TNS3: variants seen among roughly 807,000 people sequenced by gnomAD.
The protein encoded by TNS3 is tensin 3, also known as tensin-3.
TNS3 carries 45 observed loss-of-function variants against 140.9 expected under a neutral mutation model. The ratio of observed to expected loss-of-function variants is 0.32; its 90% CI spans 0.25 to 0.41. The LOEUF (loss-of-function observed/expected upper bound fraction) is 0.41, where lower values mean the gene tolerates loss of function less well. Ranked by LOEUF, TNS3 falls within the 10% of genes least tolerant of loss-of-function variation. The pLI is 1.00. For missense variants in TNS3, 1,716 were observed against 1,906.7 expected, an observed-to-expected ratio of 0.90 and a Z score of 1.86; for synonymous variants, 815 against 788.4, an observed-to-expected ratio of 1.03 and a Z score of -0.56.
At chr7:47,457,108 A>AAGGGGAGGGGAGGGG (rs1163349578) in intron 4 of TNS3, among the ~76,000 whole-genome samples, 1 of 29,816 alleles carries the variant, frequency 3.4e-5, no homozygotes, top group Non-Finnish European at 7.5e-5. Context: ...TGTGCTGGTA[A>AAGGGGAGGGGAGGGG]AGGGGAGGGG....
intron 10 of TNS3, among the ~76,000 whole-genome samples, chr7:47,419,699 T>C (rs1300144770): frequency 6.6e-6 from 1 of 152,208 alleles, no homozygotes; most frequent in African/African-American, 2.4e-5. Flanking sequence ...ATCACCATTG[T>C]AGAACCTAAG....
chr7:47,350,557 G>A (rs1449712519), intron 17 of TNS3, among the ~76,000 whole-genome samples: 1 of 152,226 alleles, frequency 6.6e-6, no homozygotes, highest in Non-Finnish European at 1.5e-5. Flanking sequence ...GCTTGCTCAA[G>A]GCGTTGCTAC....
At chr7:47,511,800 A>G (rs957048266) in intron 2 of TNS3, among the ~76,000 whole-genome samples, 19 of 152,080 alleles carry the variant, frequency 1.2e-4, no homozygotes, top group Non-Finnish European at 2.4e-4. Flanking sequence ...CTGGACCCAC[A>G]AGAAGAACCT....
chr7:47,300,145 G>A (rs950153672), intron 23 of TNS3, among the ~76,000 whole-genome samples: 2 of 152,028 alleles, frequency 1.3e-5, no homozygotes, highest in African/African-American at 4.8e-5. Flanking sequence ...AAATGTCATT[G>A]TAGCTTTTCT....
At chr7:47,318,169 G>A (rs1019076546) in intron 20 of TNS3, among the ~76,000 whole-genome samples, 2 of 152,140 alleles carry the variant, frequency 1.3e-5, no homozygotes, top group Non-Finnish European at 2.9e-5. Context: ...TCATGTAAGT[G>A]GAATCATACA....
rs1353261509 is a variant in TNS3, at chr7:47,303,135, G to T, written c.3272C>A (p.Thr1091Asn). 6.2e-7 allele frequency: 1 copy of T among 1,613,864 alleles called. No individual in the cohort carries two copies. The highest frequency in any genetic ancestry group is 8.5e-7 in the Non-Finnish European group (1 of 1,179,952). Residue 1091 changes from threonine to asparagine, a missense_variant, in exon 22 of 31, where the codon ACC (threonine) becomes AAC (asparagine). Physicochemically the swap from Thr to Asn is moderately conservative, Grantham distance 65. This residue lies in a region of TNS3 where 1,163 missense variants were observed against 1,182.1 expected (regional missense o/e 0.98). Transcript: ENST00000311160. ...HSPGLQGQGV[T>N]LPGQPPLPEK... is the part of the protein sequence containing the mutation. ...AGGGAGGGGTGGCTGCCCGGGCAGG[G>T]TCACACCCTGGCCCTGCAGGCCTGG...
Position 47,303,472 on chromosome 7 carries a change from T to C in TNS3, c.2935A>G (p.Arg979Gly). The part of the protein sequence containing the change: ...SPLSAEFSGT[R>G]KDSPVLSCFP... ...CAGGACAGCACTGGGGAGTCCTTCC[T>C]GGTACCGGAGAACTCAGCGCTGAGG... Residue 979 changes from arginine (R) to glycine (G), a missense_variant, in exon 22 of 31, where the codon AGG becomes GGG. Physicochemically the swap from Arg to Gly is moderately radical, Grantham distance 125. This residue lies in a region of TNS3 where 1,163 missense variants were observed against 1,182.1 expected (regional missense o/e 0.98). Coordinates refer to ENST00000311160, the MANE Select transcript of TNS3 (RefSeq NM_022748.12). 1 of 1,611,852 alleles carries C rather than the reference T, an allele frequency of 6.2e-7. No homozygotes were observed. Among genetic ancestry groups the C allele is most frequent in the Non-Finnish European group, 8.5e-7 (1 of 1,179,986 alleles).
intron 13 of TNS3, among the ~76,000 whole-genome samples, chr7:47,401,424 T>C (rs1247003056): frequency 6.6e-6 from 1 of 152,148 alleles, no homozygotes; most frequent in Non-Finnish European, 1.5e-5. Context: ...TCCTAAATGA[T>C]TATGTGCATG....
At chr7:47,416,510 G>A (rs1343367985) in intron 10 of TNS3, among the ~76,000 whole-genome samples, 1 of 151,744 alleles carries the variant, frequency 6.6e-6, no homozygotes, top group East Asian at 1.9e-4. Context: ...AATTCGTAGT[G>A]AGAAACAGGG....
At chr7:47,439,851 G>C (rs1043618026) in intron 5 of TNS3, among the ~76,000 whole-genome samples, 193 bp from the exon 6 acceptor site, 6 of 152,140 alleles carry the variant, frequency 3.9e-5, no homozygotes, top group African/African-American at 1.4e-4. Context: ...GTGTGGGGAG[G>C]GGCACAAGAT....
intron 17 of TNS3, among the ~76,000 whole-genome samples, chr7:47,364,277 A>ATTTTTT (rs10566032): frequency 9.0e-6 from 1 of 110,640 alleles, no homozygotes; most frequent in South Asian, 2.9e-4. Flanking sequence ...GTAAGCAATA[A>ATTTTTT]TTTTTTTTTT....
chr7:47,313,574 C>T (rs1787227465), intron 20 of TNS3, among the ~76,000 whole-genome samples: 1 of 152,204 alleles, frequency 6.6e-6, no homozygotes, highest in African/African-American at 2.4e-5. Flanking sequence ...ATACCCAGCA[C>T]AGCATGCAGT....
At chr7:47,495,190 C>CAAA (rs11353260) in intron 3 of TNS3, among the ~76,000 whole-genome samples, 33 of 79,600 alleles carry the variant, frequency 4.1e-4, no homozygotes, top group African/African-American at 5.4e-4. Flanking sequence ...GACTCCGTCT[C>CAAA]AAAAAAAAAA....
At position 47,541,965 on chromosome 7, in the gene TNS3, A is replaced by T. The variant is rs535188632; in HGVS notation, c.-264-12818T>A. On this transcript the variant is annotated intron_variant, in intron 1 of 30. Transcript: ENST00000311160. Reference sequence around the variant, plus strand: ...CTCCATCTCAAAAAAAAAAAAGCAAATGACCACAGAGACAGTCTCAGAGAG... The same window carrying T: ...CTCCATCTCAAAAAAAAAAAAGCAATTGACCACAGAGACAGTCTCAGAGAG... Among the ~76,000 whole-genome samples the T allele has an allele frequency of 3.3e-5, 5 of 151,558 alleles. No homozygotes were observed. In the South Asian group the frequency reaches 1.1e-3, roughly 32 times the overall value.
intron 17 of TNS3, among the ~76,000 whole-genome samples, chr7:47,351,755 G>A (rs542212081): frequency 7.9e-5 from 12 of 152,238 alleles, no homozygotes; most frequent in East Asian, 1.9e-4. Context: ...CCTAGGGCAC[G>A]GGTGCAACAG....
intron 3 of TNS3, among the ~76,000 whole-genome samples, chr7:47,505,715 CTT>C (rs990452096): frequency 5.2e-4 from 78 of 148,578 alleles, no homozygotes; most frequent in African/African-American, 1.8e-3. Context: ...GTTCTTCCAA[CTT>C]TGTGTGTGTG....
chr7:47,467,776 G>C (rs902248450), intron 4 of TNS3, among the ~76,000 whole-genome samples: 5 of 152,140 alleles, frequency 3.3e-5, no homozygotes, highest in African/African-American at 1.2e-4. Context: ...GAAAACAGAA[G>C]GTTAGAAAAC....
rs572217628 is a variant in TNS3, at chr7:47,315,102, G to C, written c.2651-10099C>G. Among the ~76,000 whole-genome samples, 17 of 152,352 alleles carry C rather than the reference G, an allele frequency of 1.1e-4. No individual in the cohort carries two copies. In the South Asian group the frequency reaches 2.9e-3, roughly 26 times the overall value. On this transcript the variant is annotated intron_variant, in intron 20 of 30. Transcript: ENST00000311160. The stretch of plus-strand genomic sequence containing the variant: ...TGTGCACGCCAGCACAGCCCTGCCA[G>C]CCACAGCCGATCTTGGGCCCTGAAC...
chr7:47,418,125 C>CA (rs1329036914), intron 10 of TNS3, among the ~76,000 whole-genome samples: 1 of 152,128 alleles, frequency 6.6e-6, no homozygotes, highest in African/African-American at 2.4e-5. Context: ...CCTGTCTCTA[C>CA]AAAAAATTAA....
Sources: gnomAD v4.1 joint callset for allele counts (sites outside exome capture counted in the v4.1 genomes callset) on GRCh38, gnomAD v4.1.1 for gene constraint, gnomAD v4.1.1 regional missense constraint, MANE v1.5 for transcripts, NCBI Gene and HGNC (gene_info 2026-07-23, HGNC 2026-07-21) for gene names.